TBC1D8: variants seen among roughly 807,000 people sequenced by gnomAD.
The protein encoded by TBC1D8 is TBC1 domain family member 8, also known as BUB2-like protein 1.
TBC1D8 carries 65 observed loss-of-function variants against 118.8 expected under a neutral mutation model. That is an observed-to-expected ratio of 0.55 (90% CI 0.45 to 0.67). The LOEUF is 0.67. Ranked by LOEUF, TBC1D8 falls within the 30% of genes least tolerant of loss-of-function variation. The probability of loss-of-function intolerance (pLI) is 0.00; values close to 1 mark genes in which losing one functional copy is unlikely to be tolerated. For missense variants in TBC1D8, 1,376 were observed against 1,471.2 expected (o/e 0.94, Z 1.06); for synonymous variants, 566 against 595.8 (o/e 0.95, Z 0.73).
At chr2:101,058,752 C>CAA (rs780821019) in intron 3 of TBC1D8, among the ~76,000 whole-genome samples, 22 of 116,452 alleles carry the variant, frequency 1.9e-4, no homozygotes, top group East Asian at 9.6e-4. Flanking sequence ...GTCACAACTG[C>CAA]AAAAAAAAAA....
chr2:101,058,469 T>C (rs1319146194), intron 3 of TBC1D8, among the ~76,000 whole-genome samples: 1 of 152,208 alleles, frequency 6.6e-6, no homozygotes, highest in Non-Finnish European at 1.5e-5. Context: ...TGTTAAAGTA[T>C]TTAATGAGAG....
intron 1 of TBC1D8, chr2:101,109,747 T>C: frequency 2.0e-6 from 2 of 976,450 alleles, no homozygotes; most frequent in Non-Finnish European, 2.4e-6. Flanking sequence ...CAGCCCTGGC[T>C]CCAGAGCCCA....
chr2:101,010,017 G>A (rs543237923), intron 19 of TBC1D8, among the ~76,000 whole-genome samples: 116 of 151,554 alleles, frequency 7.7e-4, no homozygotes, highest in Non-Finnish European at 1.4e-3. Context: ...TAGTAGAGAC[G>A]GGGTTTCACC....
At chr2:101,059,153 T>C (rs1003784632) in intron 3 of TBC1D8, among the ~76,000 whole-genome samples, 2 of 151,778 alleles carry the variant, frequency 1.3e-5, no homozygotes, top group Admixed American at 6.6e-5. Flanking sequence ...GTGATCTGCC[T>C]GCCTCGGCCT....
chr2:101,017,582 A>G (rs1433311560), intron 17 of TBC1D8, among the ~76,000 whole-genome samples: 2 of 152,204 alleles, frequency 1.3e-5, no homozygotes, highest in African/African-American at 4.8e-5. Flanking sequence ...ACACAACAGT[A>G]TATATTTATC....
At chr2:101,077,732 A>G (rs1433896306) in intron 2 of TBC1D8, among the ~76,000 whole-genome samples, 2 of 152,168 alleles carry the variant, frequency 1.3e-5, no homozygotes, top group African/African-American at 4.8e-5. Context: ...GGTTAGGAAC[A>G]CAGATCCAAA....
intron 1 of TBC1D8, among the ~76,000 whole-genome samples, chr2:101,103,703 A>G (rs530956399): frequency 1.2e-3 from 178 of 152,222 alleles, no homozygotes; most frequent in African/African-American, 4.2e-3. Context: ...GAACTCTTTA[A>G]CTTGATAAAG....
chr2:101,118,661 C>T lies in TBC1D8; in HGVS notation c.128-28297G>A, dbSNP rs1482915115. Reference sequence around the variant, plus strand: ...GCAGTGAGCCGAGATGGCGCCACTGCACTCCAGTCTGGGCGACAGAATGAA... The same window carrying T: ...GCAGTGAGCCGAGATGGCGCCACTGTACTCCAGTCTGGGCGACAGAATGAA... On this transcript the variant is annotated intron_variant, in intron 1 of 19. Coordinates refer to ENST00000409318, the MANE Select transcript of TBC1D8 (RefSeq NM_001330348.2). Among the ~76,000 whole-genome samples the T allele has an allele frequency of 2.1e-5, 3 of 143,538 alleles. No individual in the cohort carries two copies. The East Asian group carries it at 6.3e-4, about 30-fold the overall frequency. The allele number at this position is 143,538 out of a possible 152,430, so 94.2% of individuals were successfully genotyped here. A position where few individuals can be genotyped will look rare whatever the true frequency, so the allele number is the denominator to read the frequency against.
intron 17 of TBC1D8, chr2:101,017,994 C>T (rs920838988): frequency 1.3e-5 from 19 of 1,452,808 alleles, no homozygotes; most frequent in Admixed American, 2.0e-5. Flanking sequence ...TTCCAATGCT[C>T]GCAATTCTAC....
intron 1 of TBC1D8, among the ~76,000 whole-genome samples, chr2:101,121,258 G>T (rs1465460811): frequency 2.6e-5 from 4 of 152,192 alleles, no homozygotes; most frequent in Non-Finnish European, 4.4e-5. Flanking sequence ...AGCTGTGCCT[G>T]TTTGAACGTG....
intron 2 of TBC1D8, among the ~76,000 whole-genome samples, chr2:101,079,977 C>T (rs1363242519): frequency 4.6e-5 from 7 of 152,016 alleles, no homozygotes; most frequent in African/African-American, 1.4e-4. Flanking sequence ...TGAGCCACCG[C>T]GCCCAGCCCC....
intron 3 of TBC1D8, among the ~76,000 whole-genome samples, chr2:101,057,138 C>T (rs994900643): frequency 2.6e-5 from 4 of 152,184 alleles, no homozygotes; most frequent in African/African-American, 9.7e-5. Context: ...TGAGAAACCA[C>T]AAACACCAAA....
intron 5 of TBC1D8, among the ~76,000 whole-genome samples, chr2:101,045,987 T>C (rs1681679847): frequency 6.6e-6 from 1 of 152,152 alleles, no homozygotes; most frequent in Admixed American, 6.5e-5. Context: ...AGCAACATTC[T>C]GCCTCTAATT....
chr2:101,094,262 G>C (rs1200917080), intron 1 of TBC1D8, among the ~76,000 whole-genome samples: 1 of 152,170 alleles, frequency 6.6e-6, no homozygotes, highest in Admixed American at 6.5e-5. Flanking sequence ...CTGTCTACTG[G>C]ATAAAGGGGC....
intron 17 of TBC1D8, among the ~76,000 whole-genome samples, chr2:101,018,762 C>A (rs1558623402): frequency 6.6e-6 from 1 of 152,148 alleles, no homozygotes; most frequent in African/African-American, 2.4e-5. Context: ...TGTGTGTGTC[C>A]ATTTTCAATA....
intron 1 of TBC1D8, among the ~76,000 whole-genome samples, chr2:101,129,523 A>G (rs1004876418): frequency 3.9e-5 from 6 of 152,184 alleles, no homozygotes; most frequent in African/African-American, 7.2e-5. Context: ...GCCCAGAACA[A>G]AAGTAGCTGG....
At chr2:101,075,071 C>G (rs1395244897) in intron 2 of TBC1D8, among the ~76,000 whole-genome samples, 1 of 152,140 alleles carries the variant, frequency 6.6e-6, no homozygotes, top group African/African-American at 2.4e-5. Context: ...GGCCAGAAAG[C>G]CAGGAAGCAC....
chr2:101,019,520 G>C (rs1415552487), intron 17 of TBC1D8: 1 of 152,868 alleles, frequency 6.5e-6, no homozygotes. Flanking sequence ...TTTTCTTAAG[G>C]CTTTTTTAAC....
chr2:101,118,740 C>T (rs1490220317), intron 1 of TBC1D8, among the ~76,000 whole-genome samples: 4 of 151,650 alleles, frequency 2.6e-5, no homozygotes, highest in South Asian at 4.2e-4. Context: ...CACAGTGGCT[C>T]ACGCCTGTAA....
Sources: gnomAD v4.1 joint callset for allele counts (sites outside exome capture counted in the v4.1 genomes callset) on GRCh38, gnomAD v4.1.1 for gene constraint, MANE v1.5 for transcripts, NCBI Gene and HGNC (gene_info 2026-07-23, HGNC 2026-07-21) for gene names.